Variants in BSG observed in about 807,000 individuals in gnomAD.
The protein encoded by BSG is basigin (Ok blood group).
Under a neutral mutation model 43.1 loss-of-function variants are expected in BSG, and 37 were observed. The ratio of observed to expected loss-of-function variants is 0.86; its 90% CI spans 0.66 to 1.13. BSG has a LOEUF of 1.13. Among genes scored for constraint, BSG ranks in the 50% most tolerant of loss-of-function variants. The pLI, the probability that BSG is intolerant of heterozygous loss-of-function variation, is 0.00. For missense variants in BSG, 599 were observed against 554.2 expected, an observed-to-expected ratio of 1.08 and a Z score of -0.81; for synonymous variants, 309 against 238.7, an observed-to-expected ratio of 1.29 and a Z score of -2.72.
chr19:581,881 G>A (rs1455522803), intron 6 of BSG, among the ~76,000 whole-genome samples: 1 of 152,280 alleles, frequency 6.6e-6, no homozygotes, highest in African/African-American at 2.4e-5. Context: ...CCTCCGTGGT[G>A]AGCCGGCCCT....
chr19:577,468 C>T (rs144193084), intron 1 of BSG, among the ~76,000 whole-genome samples: 2 of 152,246 alleles, frequency 1.3e-5, no homozygotes, highest in East Asian at 3.9e-4. Context: ...GGGCAGCCCT[C>T]GGGGCTCAGG....
chr19:576,056 C>G (rs1321461427), intron 1 of BSG, among the ~76,000 whole-genome samples: 2 of 152,238 alleles, frequency 1.3e-5, no homozygotes, highest in African/African-American at 4.8e-5. Flanking sequence ...GCGATGCTGC[C>G]CGCTGAGAAG....
intron 2 of BSG, 105 bp downstream of exon 2, chr19:578,226 TCCCGCTGTGC>T (rs1232371009): frequency 9.1e-6 from 11 of 1,205,538 alleles, no homozygotes; most frequent in East Asian, 5.3e-5. Context: ...CCCCTCTCCG[TCCCGCTGTGC>T]CCCGTTGGGC....
At chr19:579,321 C>T (rs1222308172) in intron 2 of BSG, 179 bp from the exon 3 acceptor site, 12 of 853,084 alleles carry the variant, frequency 1.4e-5, no homozygotes, top group South Asian at 8.6e-5. Flanking sequence ...CTTCCCTTCC[C>T]GGAGGCGTGG....
Position 577,961 on chromosome 19 carries a change from C to T in BSG, c.255C>T (p.Tyr85=), listed in dbSNP as rs750552845. The change falls in exon 2 of 9, where the codon TAC becomes TAT. Residue 85 remains tyrosine, a synonymous_variant. Transcript: ENST00000333511. ...ACCGCGTCCACATCCACGCCACCTA[C>T]CACCAGCACGCGGCCAGCACCATCT... is the stretch of plus-strand genomic sequence containing the variant. The part of the protein sequence containing the change: ...RLDRVHIHAT[Y]HQHAASTISI... The T allele has an allele frequency of 2.5e-6, 4 of 1,611,994 alleles. No individual in the cohort carries two copies. Among genetic ancestry groups the T allele is most frequent in the Admixed American group, 3.3e-5 (2 of 59,964 alleles).
intron 2 of BSG, 154 bp downstream of exon 2, chr19:578,275 T>TGA (rs1311337686): frequency 1.3e-6 from 1 of 784,206 alleles, no homozygotes; most frequent in African/African-American, 1.8e-5. Context: ...GGCCCGGACC[T>TGA]GAAGGGGGTG....
chr19:582,368 C>T (rs767724482), intron 7 of BSG, 38 bp downstream of exon 7: 28 of 1,593,306 alleles, frequency 1.8e-5, no homozygotes, highest in East Asian at 6.7e-5. Context: ...TCCCAAGGAG[C>T]GGCCTGCTGC....
At chr19:575,528 CGGTGGGGGTG>C (rs995140049) in intron 1 of BSG, 1 of 107,946 alleles carries the variant, frequency 9.3e-6, no homozygotes, top group African/African-American at 3.6e-5. Context: ...TGGCTGCGGC[CGGTGGGGGTG>C]GGTGGGGGAG....
chr19:581,250 C>A, intron 5 of BSG, 65 bp from the exon 6 acceptor site: 1 of 1,384,790 alleles, frequency 7.2e-7, no homozygotes. Flanking sequence ...GGACTCAGCC[C>A]TCAGGACTGG....
rs1375698677 is a variant in BSG, at chr19:583,112, C to T, written c.*368C>T. ...ACAGGTCACACGAGGGGCCCCGTGT[C>T]CTGCCTGTCTGAAGCCAATGCTGTC... On this transcript the variant is annotated 3_prime_UTR_variant, in exon 9 of 9. Transcript: ENST00000333511. 6.3e-6 allele frequency: 1 copy of T among 158,416 alleles called. No individual in the cohort carries two copies. Among genetic ancestry groups the T allele is most frequent in the Non-Finnish European group, 1.4e-5 (1 of 71,570 alleles). 9.8% of individuals were successfully genotyped at this position (158,416 alleles called of 1,614,324 possible).
chr19:574,701 G>T (rs1377754398), intron 1 of BSG, among the ~76,000 whole-genome samples: 1 of 152,222 alleles, frequency 6.6e-6, no homozygotes, highest in East Asian at 1.9e-4. Flanking sequence ...GCAGAGGCTG[G>T]GGAGGGGGCT....
chr19:578,148 C>T (rs767046080), intron 2 of BSG, 27 bp downstream of exon 2: 3 of 1,503,920 alleles, frequency 2.0e-6, no homozygotes, highest in Middle Eastern at 1.7e-4. Flanking sequence ...TCCCTCCCCG[C>T]CTCCCTCAGT....
At position 582,942 on chromosome 19, in the gene BSG, A is replaced by AGT. The variant is rs1192587249; in HGVS notation, c.*201_*202dup. The AGT allele has an allele frequency of 1.1e-5, 3 of 275,412 alleles. No individual in the cohort carries two copies. The highest frequency in any genetic ancestry group is 6.7e-5 in the African/African-American group (3 of 44,518). The allele number at this position is 275,412 out of a possible 1,614,324, so 17.1% of individuals were successfully genotyped here. A position where few individuals can be genotyped will look rare whatever the true frequency, so the allele number is the denominator to read the frequency against. On this transcript the variant is annotated 3_prime_UTR_variant, in exon 9 of 9. Transcript: ENST00000333511. ...GTTCCTTAGGTTTTTTTCCTTCTGA[A>AGT]GTGTTTCACGAGAGCCCGGGAGCTG...
chr19:581,622 C>T (rs777912177), intron 6 of BSG, 31 bp downstream of exon 6: 4 of 1,549,080 alleles, frequency 2.6e-6, no homozygotes, highest in South Asian at 2.4e-5. Context: ...CCCACATGCC[C>T]TGCTCTCGGG....
At chr19:579,292 C>G in intron 2 of BSG, 1 of 731,264 alleles carries the variant, frequency 1.4e-6, no homozygotes, top group South Asian at 1.5e-5. Flanking sequence ...GAAGGGGCCT[C>G]CTCAGCAGGC....
chr19:579,964 C>T (rs1030773459), intron 3 of BSG: 3 of 442,594 alleles, frequency 6.8e-6, no homozygotes, highest in African/African-American at 4.0e-5. Flanking sequence ...AGGCTCTGTG[C>T]TCCTGGCACA....
At position 577,887 on chromosome 19, in the gene BSG, C is replaced by G. The variant is rs1219939245; in HGVS notation, c.181C>G (p.Gln61Glu). ...CGAGATCCAGTGGTGGTTTGAAGGG[C>G]AGGGTCCCAACGACACCTGCTCCCA... ...VPEIQWWFEG[Q>E]GPNDTCSQLW... Residue 61 changes from glutamine (Q) to glutamate (E), a missense_variant, in exon 2 of 9, where the codon CAG (glutamine) becomes GAG (glutamate). Physicochemically the swap from Gln to Glu is conservative, Grantham distance 29. Coordinates refer to ENST00000333511, the MANE Select transcript of BSG (RefSeq NM_001728.4). 1.3e-6 allele frequency: 2 copies of G among 1,584,170 alleles called. No homozygotes were observed. Among genetic ancestry groups the G allele is most frequent in the Admixed American group, 3.5e-5 (2 of 57,884 alleles).
chr19:573,006 G>A (rs1981412672), intron 1 of BSG, among the ~76,000 whole-genome samples: 1 of 152,120 alleles, frequency 6.6e-6, no homozygotes, highest in African/African-American at 2.4e-5. Context: ...GGGGGTCCTG[G>A]CCAGGCCGGT....
Position 581,714 on chromosome 19 carries a change from A to C in BSG, c.1069+123A>C, listed in dbSNP as rs185996213. ...TGGAACTGAGGAGCCCCAGGCAGGGAGTTGATGGGACCCCGAAAGAAAGTG... is the reference window on the plus strand; with the variant it reads ...TGGAACTGAGGAGCCCCAGGCAGGGCGTTGATGGGACCCCGAAAGAAAGTG... On this transcript the variant is annotated intron_variant, in intron 6 of 8. Transcript: ENST00000333511. The C allele has an allele frequency of 3.4e-3, 4,385 of 1,299,844 alleles. 27 individuals are homozygous for C. Among genetic ancestry groups the C allele is most frequent in the African/African-American group, 0.013 (850 of 67,090 alleles). 80.5% of individuals were successfully genotyped at this position (1,299,844 alleles called of 1,614,324 possible).
Sources: allele counts gnomAD v4.1 joint callset (sites outside exome capture counted in the v4.1 genomes callset), GRCh38; gene constraint gnomAD v4.1.1; transcripts MANE v1.5; gene names NCBI Gene and HGNC (gene_info 2026-07-23, HGNC 2026-07-21).